Variants in IGF2BP3 observed in about 807,000 individuals in gnomAD.
IGF2BP3 encodes insulin-like growth factor 2 mRNA-binding protein 3.
A neutral mutation model predicts 73.8 loss-of-function variants in IGF2BP3; 9 were observed. The observed-to-expected ratio is 0.12, with a 90% CI of 0.07 to 0.21. The LOEUF is 0.21. Ranked by LOEUF, IGF2BP3 falls within the 10% of genes least tolerant of loss-of-function variation. IGF2BP3 has a pLI of 1.00. For missense variants in IGF2BP3, 542 were observed against 714.0 expected (o/e 0.76, Z 2.75); for synonymous variants, 258 against 256.7 (o/e 1.01, Z -0.05).
At chr7:23,363,224 A>G (rs533527455) in intron 3 of IGF2BP3, among the ~76,000 whole-genome samples, 17 of 152,312 alleles carry the variant, frequency 1.1e-4, no homozygotes, top group African/African-American at 4.1e-4. Context: ...AGTTTGAAAC[A>G]TATAACAAGG....
chr7:23,389,022 T>A (rs1474105339), intron 3 of IGF2BP3, among the ~76,000 whole-genome samples: 1 of 152,232 alleles, frequency 6.6e-6, no homozygotes, highest in South Asian at 2.1e-4. Flanking sequence ...TGTATATGTA[T>A]GTTAAAACTT....
At chr7:23,468,927 G>A (rs1788636094) in intron 1 of IGF2BP3, among the ~76,000 whole-genome samples, 1 of 152,186 alleles carries the variant, frequency 6.6e-6, no homozygotes, top group Non-Finnish European at 1.5e-5. Flanking sequence ...TTCAGGAGGG[G>A]GCGCCCTGGC....
At chr7:23,369,935 C>G (rs1320852072) in intron 3 of IGF2BP3, among the ~76,000 whole-genome samples, 1 of 152,182 alleles carries the variant, frequency 6.6e-6, no homozygotes, top group African/African-American at 2.4e-5. Flanking sequence ...CCTGGGCTAT[C>G]TGAACCAAGT....
chr7:23,388,719 T>C (rs1279178588), intron 3 of IGF2BP3, among the ~76,000 whole-genome samples: 1 of 152,072 alleles, frequency 6.6e-6, no homozygotes, highest in African/African-American at 2.4e-5. Flanking sequence ...AATTTCTGAT[T>C]AGGCTTCTTT....
At position 23,326,175 on chromosome 7, in the gene IGF2BP3, A is replaced by T. The variant is rs531735885; in HGVS notation, c.1204-6921T>A. ...TTTTCGCAACCTACTCATCTGACAA[A>T]GGGTTAATATCCAGAATCTACAATG... is the stretch of plus-strand genomic sequence containing the variant. On this transcript the variant is annotated intron_variant, in intron 10 of 14. Coordinates refer to ENST00000258729, the MANE Select transcript of IGF2BP3 (RefSeq NM_006547.3). 8.2e-4 allele frequency among the ~76,000 whole-genome samples: 125 copies of T among 152,356 alleles called. 1 individual carries two copies. The highest frequency in any genetic ancestry group is 3.0e-3 in the African/African-American group (124 of 41,580).
intron 2 of IGF2BP3, 48 bp from the exon 3 acceptor site, chr7:23,418,872 A>C (rs1787266729): frequency 8.3e-7 from 1 of 1,210,446 alleles, no homozygotes; most frequent in African/African-American, 1.5e-5. Flanking sequence ...CATAAAAGCA[A>C]AACAATAATA....
intron 3 of IGF2BP3, among the ~76,000 whole-genome samples, chr7:23,395,891 A>C (rs373388377): frequency 6.6e-6 from 1 of 152,108 alleles, no homozygotes; most frequent in East Asian, 1.9e-4. Context: ...ACATCACTGC[A>C]CTCCAGCCTG....
intron 2 of IGF2BP3, among the ~76,000 whole-genome samples, chr7:23,420,499 AG>A (rs1394778013): frequency 2.6e-5 from 4 of 152,176 alleles, no homozygotes; most frequent in Non-Finnish European, 5.9e-5. Context: ...AGAAGAAAAA[AG>A]AAAAATAAAA....
intron 5 of IGF2BP3, among the ~76,000 whole-genome samples, chr7:23,359,853 A>G (rs1217003011): frequency 6.6e-6 from 1 of 152,176 alleles, no homozygotes; most frequent in Non-Finnish European, 1.5e-5. Context: ...ATACAACTAA[A>G]GAACAAAATT....
At chr7:23,459,040 C>A (rs1788384786) in intron 2 of IGF2BP3, among the ~76,000 whole-genome samples, 1 of 152,136 alleles carries the variant, frequency 6.6e-6, no homozygotes, top group Non-Finnish European at 1.5e-5. Context: ...TATGGAGAAT[C>A]CTTTGGTAAA....
At chr7:23,362,611 A>G (rs1477325297) in intron 3 of IGF2BP3, 2 of 152,216 alleles carry the variant, frequency 1.3e-5, no homozygotes, top group Admixed American at 6.5e-5. Context: ...GTTTATTATA[A>G]TATCAACTGC....
intron 2 of IGF2BP3, among the ~76,000 whole-genome samples, chr7:23,433,947 G>A (rs1442822851): frequency 2.0e-5 from 3 of 151,978 alleles, no homozygotes; most frequent in East Asian, 3.9e-4. Flanking sequence ...TCACGGAGGC[G>A]TGTGCCTGTA....
At chr7:23,366,787 A>G (rs1785385981) in intron 3 of IGF2BP3, among the ~76,000 whole-genome samples, 1 of 152,118 alleles carries the variant, frequency 6.6e-6, no homozygotes, top group Admixed American at 6.5e-5. Flanking sequence ...CAATAGCCTA[A>G]TAAGATTCCC....
chr7:23,312,922 A>ATT (rs1783872886), intron 13 of IGF2BP3, 74 bp from the exon 14 acceptor site: 2 of 861,464 alleles, frequency 2.3e-6, no homozygotes, highest in Non-Finnish European at 3.8e-6. Context: ...ACTGTGCGCC[A>ATT]GACAGTGAGC....
In IGF2BP3 at chr7:23,351,134, T is replaced by A. The variant is rs542759422; in HGVS notation, c.683+171A>T. ...TTGAGAATGAGGATTAGCTCCAGATTTATATGAAATGAACACCAAGATACT... is the reference window on the plus strand; with the variant it reads ...TTGAGAATGAGGATTAGCTCCAGATATATATGAAATGAACACCAAGATACT... On this transcript the variant is annotated intron_variant, in intron 6 of 14. Coordinates refer to ENST00000258729, the MANE Select transcript of IGF2BP3 (RefSeq NM_006547.3). Among the ~76,000 whole-genome samples, 3 of 152,258 alleles carry A rather than the reference T, an allele frequency of 2.0e-5. No homozygotes were observed. The East Asian group carries it at 5.8e-4, about 29-fold the overall frequency.
Position 23,351,168 on chromosome 7 carries a change from T to A in IGF2BP3, c.683+137A>T, listed in dbSNP as rs575951931. The stretch of plus-strand genomic sequence containing the variant: ...ATGAACACCAAGATACTGCAAGATT[T>A]TTACACATTCCCAAGTACTGTACAA... On this transcript the variant is annotated intron_variant, in intron 6 of 14. Transcript: ENST00000258729. 5.8e-6 allele frequency: 5 copies of A among 866,100 alleles called. No individual in the cohort carries two copies. In the East Asian group the frequency reaches 7.8e-5, roughly 14 times the overall value. 53.7% of individuals were successfully genotyped at this position (866,100 alleles called of 1,614,324 possible). A position where few individuals can be genotyped will look rare whatever the true frequency, so the allele number is the denominator to read the frequency against.
chr7:23,374,275 A>G lies in IGF2BP3; in HGVS notation c.286-12534T>C, dbSNP rs377206812. 1.5e-4 allele frequency among the ~76,000 whole-genome samples: 23 copies of G among 152,334 alleles called. 1 individual carries two copies. The highest frequency in any genetic ancestry group is 9.1e-4 in the Admixed American group (14 of 15,302). ...GGATAAAACAAAACATGGTACATAT[A>G]AACAGTCATCCCTCGGTATCTGTGA... On this transcript the variant is annotated intron_variant, in intron 3 of 14. Coordinates refer to ENST00000258729, the MANE Select transcript of IGF2BP3 (RefSeq NM_006547.3).
chr7:23,319,269 A>G lies in IGF2BP3; in HGVS notation c.1204-15T>C. 6.6e-7 allele frequency: 1 copy of G among 1,524,728 alleles called. No homozygotes were observed. Among genetic ancestry groups the G allele is most frequent in the South Asian group, 1.1e-5 (1 of 87,042 alleles). The allele number at this position is 1,524,728 out of a possible 1,614,324, so 94.4% of individuals were successfully genotyped here. A position where few individuals can be genotyped will look rare whatever the true frequency, so the allele number is the denominator to read the frequency against. On this transcript the variant is annotated splice_polypyrimidine_tract_variant and intron_variant, in intron 10 of 14. Transcript: ENST00000258729. ...GTTTCTGATTGCTGTTAGAAAAGAA[A>G]GCCAGGACACCCATGTTTATTTGCT... is the stretch of plus-strand genomic sequence containing the variant.
At chr7:23,354,678 T>G (rs890620700) in intron 5 of IGF2BP3, among the ~76,000 whole-genome samples, 1 of 152,192 alleles carries the variant, frequency 6.6e-6, no homozygotes, top group Admixed American at 6.5e-5. Flanking sequence ...TTGTGCTGCT[T>G]TAAAAAGATT....
Sources: gnomAD v4.1 joint callset for allele counts (sites outside exome capture counted in the v4.1 genomes callset) on GRCh38, gnomAD v4.1.1 for gene constraint, MANE v1.5 for transcripts, NCBI Gene and HGNC (gene_info 2026-07-23, HGNC 2026-07-21) for gene names.